Variants in CNTNAP2 observed in about 807,000 individuals in gnomAD.
CNTNAP2 encodes contactin-associated protein-like 2.
A neutral mutation model predicts 155.2 loss-of-function variants in CNTNAP2; 98 were observed. That is an observed-to-expected ratio of 0.63 (90% CI 0.54 to 0.75). The LOEUF (loss-of-function observed/expected upper bound fraction) is 0.75. CNTNAP2 is among the 30% of genes least tolerant of loss of function. The pLI, the probability that CNTNAP2 is intolerant of heterozygous loss-of-function variation, is 0.00. For missense variants in CNTNAP2, 1,727 were observed against 1,688.1 expected (o/e 1.02, Z -0.40); for synonymous variants, 651 against 631.2 (o/e 1.03, Z -0.47).
chr7:148,046,759 T>C (rs908128195), intron 15 of CNTNAP2, among the ~76,000 whole-genome samples: 1 of 152,228 alleles, frequency 6.6e-6, no homozygotes, highest in African/African-American at 2.4e-5. Flanking sequence ...CAGGAAATAT[T>C]CTAAAAATAT....
At chr7:146,805,646 T>C (rs189591911) in intron 2 of CNTNAP2, among the ~76,000 whole-genome samples, 2 of 152,296 alleles carry the variant, frequency 1.3e-5, no homozygotes. Flanking sequence ...CTCTACTCCA[T>C]GTCTATAATA....
intron 2 of CNTNAP2, among the ~76,000 whole-genome samples, chr7:146,799,412 A>G (rs1802834204): frequency 6.6e-6 from 1 of 152,240 alleles, no homozygotes; most frequent in Admixed American, 6.5e-5. Flanking sequence ...CATCATGTCC[A>G]GCATAGAATA....
chr7:147,219,728 C>T (rs1011409446), intron 8 of CNTNAP2, among the ~76,000 whole-genome samples: 1 of 152,160 alleles, frequency 6.6e-6, no homozygotes, highest in Non-Finnish European at 1.5e-5. Flanking sequence ...ATCACATTTA[C>T]ATAATAATGG....
intron 12 of CNTNAP2, among the ~76,000 whole-genome samples, chr7:147,593,354 AG>A (rs1304233384): frequency 2.0e-5 from 3 of 151,150 alleles, no homozygotes; most frequent in African/African-American, 7.3e-5. Context: ...AGATAAGCCA[AG>A]GAACTTGGTT....
chr7:147,426,549 T>C (rs1176895470), intron 10 of CNTNAP2, among the ~76,000 whole-genome samples: 1 of 152,190 alleles, frequency 6.6e-6, no homozygotes, highest in Non-Finnish European at 1.5e-5. Context: ...CTTTTTCTAA[T>C]GTATCCTGCA....
intron 18 of CNTNAP2, among the ~76,000 whole-genome samples, chr7:148,175,694 A>G (rs1794922008): frequency 6.6e-6 from 1 of 152,140 alleles, no homozygotes; most frequent in African/African-American, 2.4e-5. Context: ...CTTGGGACCC[A>G]AAATAGCCCA....
At chr7:147,347,461 T>TATATATATATGC (rs1322128631) in intron 9 of CNTNAP2, among the ~76,000 whole-genome samples, 9,553 of 62,162 alleles carry the variant, frequency 0.15, 1,064 homozygotes, top group East Asian at 0.43. Flanking sequence ...TATATGCATA[T>TATATATATATGC]ATATATATAT....
intron 1 of CNTNAP2, among the ~76,000 whole-genome samples, chr7:146,360,374 T>G (rs574968386): frequency 1.3e-5 from 2 of 152,342 alleles, no homozygotes; most frequent in East Asian, 1.9e-4. Flanking sequence ...TTAATGAGCA[T>G]CTACTACTAC....
intron 3 of CNTNAP2, among the ~76,000 whole-genome samples, chr7:146,937,603 A>G (rs539991528): frequency 9.9e-5 from 15 of 152,238 alleles, no homozygotes; most frequent in African/African-American, 3.1e-4. Flanking sequence ...AGTGGCTGGG[A>G]CAAGGCTGCA....
At chr7:147,332,060 T>C (rs13229651) in intron 9 of CNTNAP2, among the ~76,000 whole-genome samples, 29,367 of 152,148 alleles carry the variant, frequency 0.19, 3,145 homozygotes, top group Non-Finnish European at 0.24. Context: ...GAAATACTAA[T>C]AAGAAATGAG....
chr7:147,422,163 A>G (rs1308876204), intron 10 of CNTNAP2, among the ~76,000 whole-genome samples: 2 of 147,812 alleles, frequency 1.4e-5, no homozygotes, highest in East Asian at 1.9e-4. Context: ...TATATACAGT[A>G]TATATATAGT....
intron 21 of CNTNAP2, among the ~76,000 whole-genome samples, chr7:148,301,912 C>G (rs1039453131): frequency 3.6e-4 from 55 of 152,232 alleles, no homozygotes; most frequent in Non-Finnish European, 7.8e-4. Context: ...GGCCTATCCA[C>G]AAACTGGCCC....
intron 1 of CNTNAP2, among the ~76,000 whole-genome samples, chr7:146,543,071 C>CA (rs964994302): frequency 3.3e-5 from 5 of 151,724 alleles, no homozygotes; most frequent in African/African-American, 9.7e-5. Flanking sequence ...GTTCTTGCCA[C>CA]AAAAAATGAT....
At chr7:146,312,281 T>C (rs1388799005) in intron 1 of CNTNAP2, among the ~76,000 whole-genome samples, 2 of 152,148 alleles carry the variant, frequency 1.3e-5, no homozygotes, top group East Asian at 1.9e-4. Flanking sequence ...TGATTATGGG[T>C]GAGAGTTAGT....
At chr7:147,692,739 G>A (rs1307428558) in intron 13 of CNTNAP2, among the ~76,000 whole-genome samples, 1 of 151,912 alleles carries the variant, frequency 6.6e-6, no homozygotes, top group Non-Finnish European at 1.5e-5. Context: ...GGTATAGTTT[G>A]GATGACACTC....
rs534141037 is a variant in CNTNAP2, at chr7:147,084,725, TATG to T, written c.551-23419_551-23417del. Among the ~76,000 whole-genome samples the T allele has an allele frequency of 8.3e-4, 122 of 147,866 alleles. 2 individuals carry two copies. The East Asian group carries it at 0.011, about 13-fold the overall frequency. ...AATGCATATATAATATATAATGCTG[TATG>T]ATAATTATATATAATGTATATAATA... is the stretch of plus-strand genomic sequence containing the variant. On this transcript the variant is annotated intron_variant, in intron 4 of 23. Coordinates refer to ENST00000361727, the MANE Select transcript of CNTNAP2 (RefSeq NM_014141.6).
intron 3 of CNTNAP2, among the ~76,000 whole-genome samples, chr7:147,040,614 C>T (rs1799242429): frequency 6.6e-6 from 1 of 151,792 alleles, no homozygotes; most frequent in South Asian, 2.1e-4. Context: ...GCGTGCATGA[C>T]CACACCTGGC....
At chr7:147,573,532 G>C (rs914137640) in intron 12 of CNTNAP2, among the ~76,000 whole-genome samples, 1 of 152,158 alleles carries the variant, frequency 6.6e-6, no homozygotes, top group African/African-American at 2.4e-5. Flanking sequence ...GGACAAGGCA[G>C]CATAATTTTG....
chr7:146,795,901 A>G (rs962164877), intron 2 of CNTNAP2, among the ~76,000 whole-genome samples: 5 of 152,192 alleles, frequency 3.3e-5, no homozygotes, highest in Non-Finnish European at 7.3e-5. Flanking sequence ...AACAACTTAA[A>G]TGTCCATAAA....
Sources: allele counts gnomAD v4.1 joint callset (sites outside exome capture counted in the v4.1 genomes callset), GRCh38; gene constraint gnomAD v4.1.1; transcripts MANE v1.5; gene names NCBI Gene and HGNC (gene_info 2026-07-23, HGNC 2026-07-21).